ARHGAP42: variants seen among roughly 807,000 people sequenced by gnomAD.
The protein encoded by ARHGAP42 is rho GTPase-activating protein 42.
ARHGAP42 carries 63 observed loss-of-function variants against 125.0 expected under a neutral mutation model. The observed-to-expected ratio is 0.50, with a 90% CI of 0.41 to 0.62. ARHGAP42 has a LOEUF of 0.62. Ranked by LOEUF, ARHGAP42 falls within the 20% of genes least tolerant of loss-of-function variation. The pLI is 0.00. For synonymous variants in ARHGAP42, 339 were observed against 351.0 expected (o/e 0.97, Z 0.38); for missense variants, 766 against 1,024.2 (o/e 0.75, Z 3.44).
Position 100,734,877 on chromosome 11 carries a change from G to C in ARHGAP42, c.155-35466G>C, listed in dbSNP as rs368042432. Among the ~76,000 whole-genome samples, 8 of 152,154 alleles carry C rather than the reference G, an allele frequency of 5.3e-5. No homozygotes were observed. The East Asian group carries it at 1.3e-3, about 26-fold the overall frequency. On this transcript the variant is annotated intron_variant, in intron 1 of 23. Transcript: ENST00000298815. ...CATGTGTGCTATGATTCCAAAGATG[G>C]AACACCTTTCATTTAATGTGTTAAG...
At chr11:100,912,681 C>T (rs1866955767) in intron 4 of ARHGAP42, among the ~76,000 whole-genome samples, 1 of 152,146 alleles carries the variant, frequency 6.6e-6, no homozygotes, top group South Asian at 2.1e-4. Context: ...TTCAATATTT[C>T]ATTCCATTTG....
chr11:100,838,708 T>A (rs1168014311), intron 3 of ARHGAP42, among the ~76,000 whole-genome samples: 1 of 142,304 alleles, frequency 7.0e-6, no homozygotes, highest in Non-Finnish European at 1.6e-5. Flanking sequence ...CAAAACAAAA[T>A]AAAACAAAAA....
At chr11:100,905,118 C>T (rs1044674451) in intron 4 of ARHGAP42, among the ~76,000 whole-genome samples, 1 of 152,138 alleles carries the variant, frequency 6.6e-6, no homozygotes, top group Non-Finnish European at 1.5e-5. Flanking sequence ...TGTGTTTCTC[C>T]TCCTCTCTTG....
chr11:100,906,127 A>T (rs1866729158), intron 4 of ARHGAP42, among the ~76,000 whole-genome samples: 1 of 151,992 alleles, frequency 6.6e-6, no homozygotes, highest in Non-Finnish European at 1.5e-5. Context: ...GTTCCCTGTG[A>T]CTCTTAAAAC....
chr11:100,845,341 A>T lies in ARHGAP42; in HGVS notation c.313-14213A>T, dbSNP rs560605245. Among the ~76,000 whole-genome samples the T allele has an allele frequency of 2.0e-4, 30 of 152,086 alleles. No homozygotes were observed. In the South Asian group the frequency reaches 5.6e-3, roughly 28 times the overall value. On this transcript the variant is annotated intron_variant, in intron 3 of 23. Coordinates refer to ENST00000298815, the MANE Select transcript of ARHGAP42 (RefSeq NM_152432.4). ...GAGAATGATACAATGGACTTTGGGG[A>T]CTCAGAGGGAAAGGGTGGGAAGGGG...
At chr11:100,897,054 A>G (rs1332290177) in intron 4 of ARHGAP42, among the ~76,000 whole-genome samples, 2 of 152,200 alleles carry the variant, frequency 1.3e-5, no homozygotes, top group African/African-American at 4.8e-5. Context: ...AGCTTTCTAC[A>G]TATATCTAGC....
chr11:100,881,065 T>A (rs1009579422), intron 4 of ARHGAP42, among the ~76,000 whole-genome samples: 2 of 152,212 alleles, frequency 1.3e-5, no homozygotes, highest in Non-Finnish European at 2.9e-5. Context: ...CTGTTCCTTT[T>A]GCCATGGAAA....
intron 3 of ARHGAP42, among the ~76,000 whole-genome samples, chr11:100,807,416 G>A (rs1383837888): frequency 1.3e-5 from 2 of 152,130 alleles, no homozygotes; most frequent in East Asian, 1.9e-4. Flanking sequence ...GGTTGGTCTC[G>A]AACTCCTGAC....
intron 4 of ARHGAP42, among the ~76,000 whole-genome samples, chr11:100,871,829 T>G (rs1277797819): frequency 6.6e-6 from 1 of 152,152 alleles, no homozygotes; most frequent in Non-Finnish European, 1.5e-5. Context: ...CCGCAACCTC[T>G]GCCTACCAGG....
intron 1 of ARHGAP42, among the ~76,000 whole-genome samples, chr11:100,762,152 G>T (rs1400099034): frequency 6.6e-6 from 1 of 152,190 alleles, no homozygotes; most frequent in Non-Finnish European, 1.5e-5. Flanking sequence ...CAGAAGGGTG[G>T]ATGTATCCAC....
intron 1 of ARHGAP42, among the ~76,000 whole-genome samples, chr11:100,769,712 CTTTTTTTTTTTT>C (rs140626690): frequency 0.013 from 1,000 of 78,108 alleles, 17 homozygotes; most frequent in South Asian, 0.075. Context: ...AGCATTCCTT[CTTTTTTTTTTTT>C]TTTTTTTTTT....
At chr11:100,803,283 A>G (rs1863908489) in intron 3 of ARHGAP42, among the ~76,000 whole-genome samples, 1 of 152,082 alleles carries the variant, frequency 6.6e-6, no homozygotes, top group Non-Finnish European at 1.5e-5. Context: ...GGGAGTAACT[A>G]GATATATGGG....
At chr11:100,737,506 T>C (rs1862091173) in intron 1 of ARHGAP42, among the ~76,000 whole-genome samples, 1 of 152,204 alleles carries the variant, frequency 6.6e-6, no homozygotes, top group African/African-American at 2.4e-5. Flanking sequence ...ACTCTAGCTA[T>C]CCTTTAAAAC....
intron 3 of ARHGAP42, among the ~76,000 whole-genome samples, chr11:100,828,970 T>C (rs1162337957): frequency 6.6e-6 from 1 of 152,174 alleles, no homozygotes; most frequent in Non-Finnish European, 1.5e-5. Flanking sequence ...CTGCAAGTAA[T>C]ACAAAACACA....
chr11:100,921,374 A>G (rs1380223041), intron 5 of ARHGAP42, 120 bp from the exon 6 acceptor site: 1 of 692,794 alleles, frequency 1.4e-6, no homozygotes, highest in Non-Finnish European at 2.4e-6. Flanking sequence ...GGCAAGGACT[A>G]TAATAAGTGC....
intron 4 of ARHGAP42, among the ~76,000 whole-genome samples, chr11:100,888,377 A>G (rs614393): frequency 0.85 from 128,975 of 152,076 alleles, 54,890 homozygotes; most frequent in East Asian, 1. Flanking sequence ...TTGGAGAAAA[A>G]TGGGATTTGT....
chr11:100,962,354 A>G, intron 15 of ARHGAP42, 55 bp from the exon 16 acceptor site: 6 of 1,394,984 alleles, frequency 4.3e-6, no homozygotes, highest in Non-Finnish European at 5.9e-6. Flanking sequence ...CTTAACGTTT[A>G]GGGGAGAATA....
chr11:100,900,275 T>C (rs1866506968), intron 4 of ARHGAP42, among the ~76,000 whole-genome samples: 1 of 152,210 alleles, frequency 6.6e-6, no homozygotes, highest in Admixed American at 6.5e-5. Flanking sequence ...CCAAGAGTTC[T>C]CCTGCTAATC....
chr11:100,779,530 G>GTATGTATACGTA lies in ARHGAP42; in HGVS notation c.250+9095_250+9096insGTATACGTATAT, dbSNP rs1565210612. On this transcript the variant is annotated intron_variant, in intron 2 of 23. Transcript: ENST00000298815. Reference sequence around the variant, plus strand: ...CACGTATATATATACGTATACATGCGTATATATACGTATATATATACATAT... The same window carrying GTATGTATACGTA: ...CACGTATATATATACGTATACATGCGTATGTATACGTATATATATACGTATATATATACATAT... Among the ~76,000 whole-genome samples, 32 of 114,828 alleles carry GTATGTATACGTA rather than the reference G, an allele frequency of 2.8e-4. 3 individuals carry two copies. The highest frequency in any genetic ancestry group is 8.3e-4 in the Admixed American group (9 of 10,790). The allele number at this position is 114,828 out of a possible 152,430, so 75.3% of individuals were successfully genotyped here. A position where few individuals can be genotyped will look rare whatever the true frequency, so the allele number is the denominator to read the frequency against.
Sources: allele counts gnomAD v4.1 joint callset (sites outside exome capture counted in the v4.1 genomes callset), GRCh38; gene constraint gnomAD v4.1.1; transcripts MANE v1.5; gene names NCBI Gene and HGNC (gene_info 2026-07-23, HGNC 2026-07-21).